The following RADIL variants were observed in gnomAD, a reference collection of about 807,000 sequenced individuals.
The protein encoded by RADIL is ras-associating and dilute domain-containing protein.
A neutral mutation model predicts 97.6 loss-of-function variants in RADIL; 99 were observed. The observed-to-expected ratio is 1.01, with a 90% CI of 0.86 to 1.20. RADIL has a LOEUF of 1.20. Ranked by LOEUF, RADIL falls within the 50% of genes most tolerant of loss-of-function variation. The pLI is 0.00. For missense variants in RADIL, 1,765 were observed against 1,498.9 expected (o/e 1.18, Z -2.93); for synonymous variants, 803 against 691.8 (o/e 1.16, Z -2.52).
chr7:4,860,135 G>C, intron 2 of RADIL: 2 of 1,613,938 alleles, frequency 1.2e-6, no homozygotes, highest in South Asian at 1.1e-5. Flanking sequence ...TACAGCCAAG[G>C]CAGGACTGTT....
In RADIL at chr7:4,819,591, G is replaced by A. The variant is rs564064727; in HGVS notation, c.1616-2240C>T. On this transcript the variant is annotated intron_variant, in intron 6 of 14. Transcript: ENST00000399583. The surrounding 1 kb of genome is among the most constrained non-coding windows in gnomAD (Gnocchi z 5.8). ...GAATCTGAGGCGCACACGATGGTGT[G>A]AGGCGGCGCGGGAGGGGCCTGGGTC... 2.6e-5 allele frequency among the ~76,000 whole-genome samples: 4 copies of A among 152,334 alleles called. No individual in the cohort carries two copies. The highest frequency in any genetic ancestry group is 6.5e-5 in the Admixed American group (1 of 15,310).
intron 2 of RADIL, among the ~76,000 whole-genome samples, chr7:4,863,859 G>C (rs780553691): frequency 3.9e-5 from 6 of 152,156 alleles, no homozygotes; most frequent in Admixed American, 2.0e-4. Flanking sequence ...CTAAACTTAA[G>C]TTTCTCAGTT....
intron 5 of RADIL, among the ~76,000 whole-genome samples, chr7:4,827,114 C>T (rs533271868): frequency 4.9e-4 from 74 of 152,320 alleles, no homozygotes; most frequent in Non-Finnish European, 8.8e-4. Context: ...CCTGTCATCC[C>T]AGCACTTTGG....
chr7:4,828,217 G>T (rs1419580712), intron 5 of RADIL, among the ~76,000 whole-genome samples: 1 of 152,224 alleles, frequency 6.6e-6, no homozygotes, highest in Non-Finnish European at 1.5e-5. Context: ...CAACACTTTG[G>T]GAGGCTGAGG....
At chr7:4,825,353 G>A (rs894348880) in intron 5 of RADIL, among the ~76,000 whole-genome samples, 15 of 152,166 alleles carry the variant, frequency 9.9e-5, no homozygotes, top group Non-Finnish European at 1.5e-4. Flanking sequence ...GGAAACACTC[G>A]CAGGGCCCAC....
chr7:4,880,271 G>A lies in RADIL; in HGVS notation c.-64-2068C>T, dbSNP rs541996398. Among the ~76,000 whole-genome samples, 1 of 152,172 alleles carries A rather than the reference G, an allele frequency of 6.6e-6. No individual in the cohort carries two copies. Among genetic ancestry groups the A allele is most frequent in the Non-Finnish European group, 1.5e-5 (1 of 68,024 alleles). On this transcript the variant is annotated intron_variant, in intron 1 of 14. Transcript: ENST00000399583. This position sits in a 1 kb window ranked among gnomAD's most constrained non-coding sequence, Gnocchi z 4.5. ...TGAGGAAGGTGCAACGAGTGGCCTT[G>A]TCAAATCCTAAGAAGCTCAGAGCCG...
rs111774553 is a variant in RADIL at position 4,834,134 on chromosome 7, G to C, written c.1416+473C>G. Among the ~76,000 whole-genome samples, 2 of 152,188 alleles carry C rather than the reference G, an allele frequency of 1.3e-5. No individual in the cohort carries two copies. The highest frequency in any genetic ancestry group is 4.8e-5 in the African/African-American group (2 of 41,460). Reference sequence around the variant, plus strand: ...CCTGCACCTCCAAACTCGGATCAGGGATGGCTCCAGCGGGTATGTGCTCAA... The same window carrying C: ...CCTGCACCTCCAAACTCGGATCAGGCATGGCTCCAGCGGGTATGTGCTCAA... On this transcript the variant is annotated intron_variant, in intron 4 of 14. Transcript: ENST00000399583. This position sits in a 1 kb window ranked among gnomAD's most constrained non-coding sequence, Gnocchi z 6.0.
At position 4,801,969 on chromosome 7, in the gene RADIL, C is replaced by T. The variant is rs923611826; in HGVS notation, c.2526G>A (p.Gly842=). The T allele has an allele frequency of 2.6e-6, 4 of 1,549,014 alleles. No homozygotes were observed. The highest frequency in any genetic ancestry group is 1.9e-4 in the Middle Eastern group (1 of 5,294). ...GGGGGCAGCTCGGGGCCTCCAGGTG[C>T]CCGTCAAGGACCACGTGGTGCATAC... is the stretch of plus-strand genomic sequence containing the variant. ...PEGMHHVVLD[G]HLEAPSCPLA... is the part of the protein sequence containing the mutation. The change falls in exon 12 of 15, where the codon GGG becomes GGA. Residue 842 remains glycine (G), a synonymous_variant. Coordinates refer to ENST00000399583, the MANE Select transcript of RADIL (RefSeq NM_018059.5).
At chr7:4,825,373 A>G (rs1343747620) in intron 5 of RADIL, among the ~76,000 whole-genome samples, 1 of 152,222 alleles carries the variant, frequency 6.6e-6, no homozygotes, top group African/African-American at 2.4e-5. Flanking sequence ...CAAGGAGCAC[A>G]GAGACCAGAG....
At chr7:4,810,958 G>A (rs535134941) in intron 9 of RADIL, among the ~76,000 whole-genome samples, 1 of 152,296 alleles carries the variant, frequency 6.6e-6, no homozygotes, top group East Asian at 1.9e-4. Flanking sequence ...TCAACATGGT[G>A]AGACTCCATT....
chr7:4,817,004 G>C lies in RADIL; in HGVS notation c.1728+235C>G, dbSNP rs1782695540. ...AGGAAGGGGGCGTTTCAAGGCGAGGGAAAGGGAGCTGGGATGGTTCTAGGG... is the reference window on the plus strand; with the variant it reads ...AGGAAGGGGGCGTTTCAAGGCGAGGCAAAGGGAGCTGGGATGGTTCTAGGG... On this transcript the variant is annotated intron_variant, in intron 7 of 14. Transcript: ENST00000399583. The surrounding 1 kb of genome is among the most constrained non-coding windows in gnomAD (Gnocchi z 8.3). Among the ~76,000 whole-genome samples, 1 of 152,196 alleles carries C rather than the reference G, an allele frequency of 6.6e-6. No homozygotes were observed. Among genetic ancestry groups the C allele is most frequent in the African/African-American group, 2.4e-5 (1 of 41,456 alleles).
rs1279775866 is a variant in RADIL at position 4,880,159 on chromosome 7, T to C, written c.-64-1956A>G. 6.6e-6 allele frequency among the ~76,000 whole-genome samples: 1 copy of C among 152,076 alleles called. No individual in the cohort carries two copies. The highest frequency in any genetic ancestry group is 6.6e-5 in the Admixed American group (1 of 15,260). ...CTGTAACAGGTCACGGAGTTCCCAG[T>C]ACAGGTCATAAGCAGATGGAGCCTT... is the stretch of plus-strand genomic sequence containing the variant. On this transcript the variant is annotated intron_variant, in intron 1 of 14. Coordinates refer to ENST00000399583, the MANE Select transcript of RADIL (RefSeq NM_018059.5). The surrounding 1 kb of genome is among the most constrained non-coding windows in gnomAD (Gnocchi z 4.5).
intron 5 of RADIL, among the ~76,000 whole-genome samples, chr7:4,830,339 G>A (rs527404175): frequency 1.2e-4 from 18 of 152,166 alleles, no homozygotes; most frequent in African/African-American, 4.3e-4. Flanking sequence ...CTCGAGAGTG[G>A]GAGCGTAGGC....
intron 9 of RADIL, 168 bp from the exon 10 acceptor site, chr7:4,805,884 C>T: frequency 1.0e-6 from 1 of 985,450 alleles, no homozygotes; most frequent in Non-Finnish European, 1.2e-6. Context: ...CAGCAGTTCA[C>T]CCCTGGCACT....
intron 9 of RADIL, chr7:4,806,131 G>A: frequency 3.5e-6 from 3 of 863,938 alleles, no homozygotes; most frequent in South Asian, 5.3e-5. Context: ...TAGGTGACAG[G>A]AGGCAGGGAA....
chr7:4,814,947 A>C lies in RADIL; in HGVS notation c.2139+331T>G, dbSNP rs1288007330. Among the ~76,000 whole-genome samples the C allele has an allele frequency of 1.3e-5, 2 of 152,118 alleles. No homozygotes were observed. The highest frequency in any genetic ancestry group is 2.9e-5 in the Non-Finnish European group (2 of 68,018). ...CTCTCTGACCTTCTGGACTTGTCTGAGTGGACTGGGCCACCCGGATACCCA... is the reference window on the plus strand; with the variant it reads ...CTCTCTGACCTTCTGGACTTGTCTGCGTGGACTGGGCCACCCGGATACCCA... On this transcript the variant is annotated intron_variant, in intron 9 of 14. Coordinates refer to ENST00000399583, the MANE Select transcript of RADIL (RefSeq NM_018059.5). This position sits in a 1 kb window ranked among gnomAD's most constrained non-coding sequence, Gnocchi z 4.5.
Position 4,854,680 on chromosome 7 carries a change from C to T in RADIL, c.536-18075G>A, listed in dbSNP as rs908871269. Among the ~76,000 whole-genome samples the T allele has an allele frequency of 1.3e-5, 2 of 152,118 alleles. No homozygotes were observed. The highest frequency in any genetic ancestry group is 4.1e-4 in the South Asian group (2 of 4,828). On this transcript the variant is annotated intron_variant, in intron 2 of 14. Transcript: ENST00000399583. This position sits in a 1 kb window ranked among gnomAD's most constrained non-coding sequence, Gnocchi z 5.1. ...CCGCACTCCACCCTGGGCGACAGAG[C>T]GAGACTCCGTATCAAAACAAACAAA...
In RADIL at chr7:4,842,198, G is replaced by A. The variant is rs1045156965; in HGVS notation, c.536-5593C>T. ...ATAGAAGGAGTAGAAAGTGCAGGGC[G>A]CCGGGGCAATGGGGAAGATGGGGAT... is the stretch of plus-strand genomic sequence containing the variant. On this transcript the variant is annotated intron_variant, in intron 2 of 14. Coordinates refer to ENST00000399583, the MANE Select transcript of RADIL (RefSeq NM_018059.5). This position sits in a 1 kb window ranked among gnomAD's most constrained non-coding sequence, Gnocchi z 4.5. Among the ~76,000 whole-genome samples the A allele has an allele frequency of 3.3e-5, 5 of 152,158 alleles. No homozygotes were observed. Among genetic ancestry groups the A allele is most frequent in the Non-Finnish European group, 5.9e-5 (4 of 68,026 alleles).
chr7:4,805,178 T>C lies in RADIL; in HGVS notation c.2290+388A>G, dbSNP rs555931503. On this transcript the variant is annotated intron_variant, in intron 10 of 14. Transcript: ENST00000399583. ...ACAGACCCCTCCGTATGGACATGTG[T>C]GTGTGCGTGTGCACATACATGGCTC... The C allele has an allele frequency of 6.9e-4, 157 of 226,606 alleles. 4 individuals are homozygous for C. The highest frequency in any genetic ancestry group is 3.0e-4 in the Non-Finnish European group (35 of 115,410). The allele number at this position is 226,606 out of a possible 1,614,324, so 14.0% of individuals were successfully genotyped here.
Sources: allele counts gnomAD v4.1 joint callset (sites outside exome capture counted in the v4.1 genomes callset), GRCh38; gene constraint gnomAD v4.1.1; non-coding constraint Gnocchi (gnomAD v3.1); transcripts MANE v1.5; gene names NCBI Gene and HGNC (gene_info 2026-07-23, HGNC 2026-07-21).